CFD: variants seen among roughly 807,000 people sequenced by gnomAD.
The protein encoded by CFD is C3 convertase activator.
CFD carries 24 observed loss-of-function variants against 21.1 expected under a neutral mutation model. That is an observed-to-expected ratio of 1.14 (90% CI 0.82 to 1.60). The LOEUF is 1.60. Among genes scored for constraint, CFD ranks in the 40% most tolerant of loss-of-function variants. CFD has a pLI of 0.00. For missense variants in CFD, 535 were observed against 383.3 expected, an observed-to-expected ratio of 1.40 and a Z score of -3.31; for synonymous variants, 242 against 175.9, an observed-to-expected ratio of 1.38 and a Z score of -2.97.
At chr19:862,659 C>A (rs1485188730) in intron 4 of CFD, among the ~76,000 whole-genome samples, 2 of 143,292 alleles carry the variant, frequency 1.4e-5, no homozygotes, top group East Asian at 3.9e-4. Flanking sequence ...GTAGCCGGGG[C>A]CAAGATTGGG....
intron 4 of CFD, 103 bp downstream of exon 4, chr19:862,059 A>G: frequency 1.3e-6 from 1 of 787,122 alleles, no homozygotes; most frequent in South Asian, 1.9e-5. Flanking sequence ...GGCCCAGGGA[A>G]GGGGCGGGGC....
chr19:860,909 G>T lies in CFD; in HGVS notation c.261G>T (p.Gln87His). The change falls in exon 3 of 5, where the codon CAG becomes CAT. Residue 87 changes from glutamine (Q) to histidine (H), a missense_variant. Coordinates refer to ENST00000327726, the MANE Select transcript of CFD (RefSeq NM_001928.4). ...QVLLGAHSLSQPEPSKRLYDV... is the reference protein window; with the variant it reads ...QVLLGAHSLSHPEPSKRLYDV... ...TCCTGGGCGCGCACTCCCTGTCGCA[G>T]CCGGAGCCCTCCAAGCGCCTGTACG... 6.3e-7 allele frequency: 1 copy of T among 1,594,674 alleles called. No individual in the cohort carries two copies. The highest frequency in any genetic ancestry group is 8.5e-7 in the Non-Finnish European group (1 of 1,176,010).
In CFD at chr19:861,891, C is replaced by T. The variant is rs767229492; in HGVS notation, c.550C>T (p.His184Tyr). 3.2e-6 allele frequency: 5 copies of T among 1,585,224 alleles called. No individual in the cohort carries two copies. Among genetic ancestry groups the T allele is most frequent in the South Asian group, 1.1e-5 (1 of 88,978 alleles). ...LDRATCNRRT[H>Y]HDGAITERLM... is the part of the protein sequence containing the mutation. ...CCGCGCCACCTGCAACCGGCGCACG[C>T]ACCACGACGGCGCCATCACCGAGCG... The change falls in exon 4 of 5, where the codon CAC becomes TAC. Residue 184 changes from histidine to tyrosine, a missense_variant. Coordinates refer to ENST00000327726, the MANE Select transcript of CFD (RefSeq NM_001928.4).
At chr19:862,864 C>T (rs2035824172) in intron 4 of CFD, among the ~76,000 whole-genome samples, 1 of 149,792 alleles carries the variant, frequency 6.7e-6, no homozygotes, top group Admixed American at 6.6e-5. Context: ...GAGGTTGAGG[C>T]CAGAGGGGGT....
chr19:860,834 C>G, intron 2 of CFD, 27 bp from the exon 3 acceptor site: 5 of 1,557,016 alleles, frequency 3.2e-6, no homozygotes, highest in Non-Finnish European at 4.3e-6. Flanking sequence ...CGGCTGGCAC[C>G]GACCGCGGAC....
intron 4 of CFD, 40 bp downstream of exon 4, chr19:861,996 G>A (rs899193499): frequency 6.6e-7 from 1 of 1,513,964 alleles, no homozygotes; most frequent in Non-Finnish European, 8.8e-7. Flanking sequence ...GGGCCTGCAG[G>A]CCCCGGGAAG....
Position 861,847 on chromosome 19 carries a change from T to C in CFD, c.506T>C (p.Val169Ala), listed in dbSNP as rs1286245026. Residue 169 changes from valine to alanine, a missense_variant, in exon 4 of 5, where the codon GTG becomes GCG. Coordinates refer to ENST00000327726, the MANE Select transcript of CFD (RefSeq NM_001928.4). Reference protein sequence around the residue: ...AGRRPDSLQHVLLPVLDRATC... With the variant: ...AGRRPDSLQHALLPVLDRATC... The stretch of plus-strand genomic sequence containing the variant: ...CGCCGCCCGGACAGCCTGCAGCACG[T>C]GCTCTTGCCAGTGCTGGACCGCGCC... The C allele has an allele frequency of 6.3e-7, 1 of 1,599,570 alleles. No homozygotes were observed. Among genetic ancestry groups the C allele is most frequent in the East Asian group, 2.2e-5 (1 of 44,692 alleles).
chr19:863,184 G>A lies in CFD; in HGVS notation c.708G>A (p.Gly236=). Residue 236 remains glycine, a synonymous_variant, in exon 5 of 5, where the codon GGG becomes GGA. Coordinates refer to ENST00000327726, the MANE Select transcript of CFD (RefSeq NM_001928.4). ...TTTGCGGCAACCGCAAGAAGCCCGG[G>A]ATCTACACCCGCGTGGCGAGCTATG... The part of the protein sequence containing the change: ...SRVCGNRKKP[G]IYTRVASYAA... The A allele has an allele frequency of 6.5e-7, 1 of 1,538,784 alleles. No homozygotes were observed. Among genetic ancestry groups the A allele is most frequent in the South Asian group, 1.2e-5 (1 of 84,192 alleles).
rs964393151 is a variant in CFD, at chr19:861,910, C to T, written c.569C>T (p.Thr190Ile). The T allele has an allele frequency of 3.2e-6, 5 of 1,574,860 alleles. No homozygotes were observed. In the African/African-American group the frequency reaches 4.0e-5, roughly 13 times the overall value. The change falls in exon 4 of 5, where the codon ACC becomes ATC. Residue 190 changes from threonine to isoleucine, a missense_variant. Coordinates refer to ENST00000327726, the MANE Select transcript of CFD (RefSeq NM_001928.4). ...NRRTHHDGAI[T>I]ERLMCAESNR... ...CGCACGCACCACGACGGCGCCATCACCGAGCGCTTGATGTGCGCGGAGAGC... is the reference window on the plus strand; with the variant it reads ...CGCACGCACCACGACGGCGCCATCATCGAGCGCTTGATGTGCGCGGAGAGC...
intron 4 of CFD, among the ~76,000 whole-genome samples, chr19:862,222 G>A (rs537987164): frequency 7.3e-6 from 1 of 136,886 alleles, no homozygotes. Context: ...GGCTGAAGAA[G>A]GGTCAGGGCG....
chr19:859,786 G>A, intron 1 of CFD, 42 bp downstream of exon 1: 1 of 1,471,914 alleles, frequency 6.8e-7, no homozygotes, highest in South Asian at 1.2e-5. Flanking sequence ...GGGCTGTGTA[G>A]GGGCGTGGTG....
At chr19:859,834 A>G in intron 1 of CFD, 90 bp downstream of exon 1, 1 of 955,490 alleles carries the variant, frequency 1.0e-6, no homozygotes, top group Non-Finnish European at 1.6e-6. Flanking sequence ...CAGCCCCTCC[A>G]GGTGGGCAGG....
At chr19:860,320 A>G (rs533964533) in intron 1 of CFD, among the ~76,000 whole-genome samples, 1 of 151,530 alleles carries the variant, frequency 6.6e-6, no homozygotes, top group Non-Finnish European at 1.5e-5. Flanking sequence ...CCTTCCGAAT[A>G]GCTGAGATTA....
At position 861,916 on chromosome 19, in the gene CFD, G is replaced by A. The variant is rs201757567; in HGVS notation, c.575G>A (p.Arg192His). ...RTHHDGAITE[R>H]LMCAESNRRD... ...CACCACGACGGCGCCATCACCGAGC[G>A]CTTGATGTGCGCGGAGAGCAATCGC... Residue 192 changes from arginine to histidine, a missense_variant, in exon 4 of 5, where the codon CGC becomes CAC. By Grantham distance (29) the Arg-to-His change is conservative. Coordinates refer to ENST00000327726, the MANE Select transcript of CFD (RefSeq NM_001928.4). 3.6e-4 allele frequency: 564 copies of A among 1,570,388 alleles called. 5 individuals are homozygous for A. The African/African-American group carries it at 6.6e-3, about 18-fold the overall frequency.
At chr19:860,437 C>CA (rs1273051499) in intron 1 of CFD, among the ~76,000 whole-genome samples, 180 bp from the exon 2 acceptor site, 3 of 151,216 alleles carry the variant, frequency 2.0e-5, no homozygotes, top group Non-Finnish European at 3.0e-5. Context: ...TGCACCCCCC[C>CA]CTCCCCCCCC....
rs1258274108 is a variant in CFD, at chr19:861,888, A to G, written c.547A>G (p.Thr183Ala). 1.3e-6 allele frequency: 2 copies of G among 1,585,084 alleles called. No homozygotes were observed. The highest frequency in any genetic ancestry group is 3.5e-5 in the Admixed American group (2 of 57,742). The change falls in exon 4 of 5, where the codon ACG becomes GCG. Residue 183 changes from threonine (T) to alanine (A), a missense_variant. Transcript: ENST00000327726. The stretch of plus-strand genomic sequence containing the variant: ...GGACCGCGCCACCTGCAACCGGCGC[A>G]CGCACCACGACGGCGCCATCACCGA... Reference protein sequence around the residue: ...VLDRATCNRRTHHDGAITERL... With the variant: ...VLDRATCNRRAHHDGAITERL...
chr19:863,043 G>T, intron 4 of CFD, 49 bp from the exon 5 acceptor site: 1 of 1,476,562 alleles, frequency 6.8e-7, no homozygotes, highest in East Asian at 2.5e-5. Flanking sequence ...AACACGTGAG[G>T]CCGGGGTGGG....
chr19:860,465 C>G, intron 1 of CFD, 152 bp from the exon 2 acceptor site: 4 of 480,024 alleles, frequency 8.3e-6, no homozygotes, highest in Non-Finnish European at 1.3e-5. Context: ...CGCGGCTTCA[C>G]AAAGTGCTGG....
rs575659268 is a variant in CFD at position 863,540 on chromosome 19, T to C, written c.*302T>C. The C allele has an allele frequency of 4.6e-4, 205 of 447,156 alleles. No homozygotes were observed. In the East Asian group the frequency reaches 8.6e-3, roughly 19 times the overall value. The allele number at this position is 447,156 out of a possible 1,614,324, so 27.7% of individuals were successfully genotyped here. On this transcript the variant is annotated 3_prime_UTR_variant, in exon 5 of 5. Transcript: ENST00000327726. Reference sequence around the variant, plus strand: ...TGACTTGAACGCAGGAGGCTGAGGCTGCAGTGAGTTGTGATTGCACCACTG... The same window carrying C: ...TGACTTGAACGCAGGAGGCTGAGGCCGCAGTGAGTTGTGATTGCACCACTG...
Sources: gnomAD v4.1 joint callset for allele counts (sites outside exome capture counted in the v4.1 genomes callset) on GRCh38, gnomAD v4.1.1 for gene constraint, MANE v1.5 for transcripts, NCBI Gene and HGNC (gene_info 2026-07-23, HGNC 2026-07-21) for gene names.